Variants in ZNF37A observed in about 807,000 individuals in gnomAD.
ZNF37A encodes the protein zinc finger protein 37A, also known as zinc finger protein 37a (KOX 21).
Under a neutral mutation model 12.3 loss-of-function variants are expected in ZNF37A, and 10 were observed. The ratio of observed to expected loss-of-function variants is 0.82; its 90% CI spans 0.50 to 1.38. The LOEUF is 1.38. Among genes scored for constraint, ZNF37A ranks in the 40% most tolerant of loss-of-function variants. The pLI is 0.00. For synonymous variants in ZNF37A, 207 were observed against 223.0 expected (o/e 0.93, Z 0.64); for missense variants, 580 against 651.2 (o/e 0.89, Z 1.19).
chr10:38,130,841 A>G (rs1280604371), intron 7 of ZNF37A, among the ~76,000 whole-genome samples: 1 of 152,134 alleles, frequency 6.6e-6, no homozygotes, highest in Non-Finnish European at 1.5e-5. Context: ...TTCTGACTTC[A>G]CCACTTTCTT....
chr10:38,117,681 C>T lies in ZNF37A; in HGVS notation c.530C>T (p.Thr177Ile), dbSNP rs552921571. The T allele has an allele frequency of 1.2e-6, 2 of 1,613,904 alleles. No homozygotes were observed. Among genetic ancestry groups the T allele is most frequent in the East Asian group, 2.2e-5 (1 of 44,836 alleles). ...ACAGGACAGAAAACCTGCAAATATA[C>T]TGAACATGGGAAAACCTGTGATATG... ...GYTGQKTCKY[T>I]EHGKTCDMSF... The change falls in exon 8 of 8, where the codon ACT becomes ATT. Residue 177 changes from threonine to isoleucine, a missense_variant. Transcript: ENST00000685332.
intron 7 of ZNF37A, among the ~76,000 whole-genome samples, chr10:38,136,418 T>A (rs1479754434): frequency 6.6e-6 from 1 of 152,196 alleles, no homozygotes; most frequent in African/African-American, 2.4e-5. Flanking sequence ...CCTCCCAAAG[T>A]GCTGGGATTA....
chr10:38,112,557 C>G (rs570938868), intron 5 of ZNF37A, among the ~76,000 whole-genome samples: 1 of 150,208 alleles, frequency 6.7e-6, no homozygotes, highest in Admixed American at 6.6e-5. Context: ...AAAAAAGTCT[C>G]TCCTTAGCTT....
chr10:38,116,157 A>C (rs1405518695), intron 7 of ZNF37A, among the ~76,000 whole-genome samples: 2 of 152,192 alleles, frequency 1.3e-5, no homozygotes, highest in Non-Finnish European at 2.9e-5. Flanking sequence ...GTGTTTGAAA[A>C]AGCTCTCCGG....
downstream of ZNF37A, among the ~76,000 whole-genome samples, chr10:38,130,029 A>G (rs535889722): frequency 9.9e-5 from 15 of 152,264 alleles, no homozygotes; most frequent in South Asian, 3.1e-3. Flanking sequence ...CTCAACCATA[A>G]TCTTTCCTTC....
Position 38,117,768 on chromosome 10 carries a change from G to C in ZNF37A, c.617G>C (p.Gly206Ala), listed in dbSNP as rs146219762. The stretch of plus-strand genomic sequence containing the variant: ...GAAAACCACTATGGTAATGAATGTG[G>C]AGAAAATATCTTTGAGGAATCCATT... ...PRENHYGNECGENIFEESILL... is the reference protein window; with the variant it reads ...PRENHYGNECAENIFEESILL... The change falls in exon 8 of 8, where the codon GGA (glycine) becomes GCA (alanine). Residue 206 changes from glycine to alanine, a missense_variant. Coordinates refer to ENST00000685332, the MANE Select transcript of ZNF37A (RefSeq NM_001324250.3). The C allele has an allele frequency of 2.5e-6, 4 of 1,613,832 alleles. No homozygotes were observed. The highest frequency in any genetic ancestry group is 3.4e-6 in the Non-Finnish European group (4 of 1,179,986).
chr10:38,128,165 G>A (rs117743290), downstream of ZNF37A, among the ~76,000 whole-genome samples: 2 of 152,260 alleles, frequency 1.3e-5, no homozygotes, highest in Admixed American at 6.5e-5. Context: ...ATGTAATTGT[G>A]TTTTAGAACC....
intron 7 of ZNF37A, chr10:38,137,748 A>G (rs1306754934): frequency 1.3e-5 from 2 of 152,220 alleles, no homozygotes; most frequent in Non-Finnish European, 2.9e-5. Context: ...GATTACCATA[A>G]TGTACCAGCC....
chr10:38,102,403 A>G (rs1186769643), intron 5 of ZNF37A, among the ~76,000 whole-genome samples: 3 of 152,180 alleles, frequency 2.0e-5, no homozygotes, highest in Non-Finnish European at 4.4e-5. Flanking sequence ...TCTAGCTTGC[A>G]TTAATACCAA....
Position 38,117,484 on chromosome 10 carries a change from T to C in ZNF37A, c.333T>C (p.Ile111=). Residue 111 remains isoleucine (I), a synonymous_variant, in exon 8 of 8, where the codon ATT becomes ATC. Coordinates refer to ENST00000685332, the MANE Select transcript of ZNF37A (RefSeq NM_001324250.3). ...TCTGTGATGAAAAGCATGAAATAATTCATTCTGAAGAGGAACCTTCTGAAT... is the reference window on the plus strand; with the variant it reads ...TCTGTGATGAAAAGCATGAAATAATCCATTCTGAAGAGGAACCTTCTGAAT... ...KCFCDEKHEI[I]HSEEEPSEYN... 1.2e-6 allele frequency: 2 copies of C among 1,612,330 alleles called. No individual in the cohort carries two copies. The highest frequency in any genetic ancestry group is 1.7e-6 in the Non-Finnish European group (2 of 1,179,558).
intron 7 of ZNF37A, among the ~76,000 whole-genome samples, chr10:38,134,235 C>T (rs995504631): frequency 1.4e-4 from 21 of 152,186 alleles, no homozygotes; most frequent in African/African-American, 5.1e-4. Flanking sequence ...CTCGAACATC[C>T]TCCTTTAGCT....
chr10:38,130,743 T>A (rs1448073697), intron 7 of ZNF37A, among the ~76,000 whole-genome samples: 3 of 152,164 alleles, frequency 2.0e-5, no homozygotes, highest in Non-Finnish European at 4.4e-5. Flanking sequence ...GTGCTGAGAT[T>A]ACAGGTGTGA....
chr10:38,114,138 CA>C (rs2136001071), intron 5 of ZNF37A, among the ~76,000 whole-genome samples: 1 of 152,196 alleles, frequency 6.6e-6, no homozygotes, highest in South Asian at 2.1e-4. Flanking sequence ...GGATTAAAGC[CA>C]AAAGTATTTC....
intron 7 of ZNF37A, 63 bp from the exon 8 acceptor site, chr10:38,117,327 T>A (rs1308457829): frequency 6.6e-7 from 1 of 1,522,758 alleles, no homozygotes; most frequent in Non-Finnish European, 8.8e-7. Flanking sequence ...TCAAATATAA[T>A]GCTAAGTTTA....
At chr10:38,102,584 A>G (rs1373150086) in intron 5 of ZNF37A, among the ~76,000 whole-genome samples, 1 of 152,232 alleles carries the variant, frequency 6.6e-6, no homozygotes, top group Non-Finnish European at 1.5e-5. Context: ...GAGAGAACAT[A>G]AAAGCCAAGA....
At chr10:38,112,023 T>A (rs1294026227) in intron 5 of ZNF37A, among the ~76,000 whole-genome samples, 1 of 151,574 alleles carries the variant, frequency 6.6e-6, no homozygotes. Flanking sequence ...CAGTCTCTAT[T>A]TTAATTTCTA....
chr10:38,132,114 C>T (rs1404574339), intron 7 of ZNF37A, among the ~76,000 whole-genome samples: 1 of 152,054 alleles, frequency 6.6e-6, no homozygotes, highest in East Asian at 1.9e-4. Context: ...TTTATTTTTC[C>T]TATCTAATAG....
At chr10:38,135,439 A>C (rs1242981502) in intron 7 of ZNF37A, among the ~76,000 whole-genome samples, 1 of 152,254 alleles carries the variant, frequency 6.6e-6, no homozygotes, top group African/African-American at 2.4e-5. Flanking sequence ...TCTGTTGTTA[A>C]TGCTACAGAC....
chr10:38,097,969 C>A (rs2067280161), intron 5 of ZNF37A, among the ~76,000 whole-genome samples: 1 of 152,158 alleles, frequency 6.6e-6, no homozygotes, highest in South Asian at 2.1e-4. Context: ...TAAGCAGTTG[C>A]TCCCTTTTTC....
Sources: gnomAD v4.1 joint callset for allele counts (sites outside exome capture counted in the v4.1 genomes callset) on GRCh38, gnomAD v4.1.1 for gene constraint, MANE v1.5 for transcripts, NCBI Gene and HGNC (gene_info 2026-07-23, HGNC 2026-07-21) for gene names.